The following KCNH2 variants were observed in gnomAD, a reference collection of about 807,000 sequenced individuals.
The protein encoded by KCNH2 is potassium voltage-gated channel subfamily H member 2, also known as voltage-gated inwardly rectifying potassium channel KCNH2.
A neutral mutation model predicts 95.9 loss-of-function variants in KCNH2; 35 were observed. The observed-to-expected ratio is 0.37, with a 90% confidence interval of 0.28 to 0.48. The LOEUF (loss-of-function observed/expected upper bound fraction) is 0.48, where lower values mean the gene tolerates loss of function less well. Ranked by LOEUF, KCNH2 falls within the 20% of genes least tolerant of loss-of-function variation. The pLI is 0.99. For missense variants in KCNH2, 1,274 were observed against 1,702.9 expected (o/e 0.75, Z 4.43); for synonymous variants, 786 against 754.7 (o/e 1.04, Z -0.68).
rs980223397 is a variant in KCNH2, at chr7:150,945,593, G to A, written c.3331-79C>T. 39 of 1,429,528 alleles carry A rather than the reference G, an allele frequency of 2.7e-5. No homozygotes were observed. The highest frequency in any genetic ancestry group is 1.2e-4 in the Admixed American group (6 of 50,854). The allele number at this position is 1,429,528 out of a possible 1,614,324, so 88.6% of individuals were successfully genotyped here. On this transcript the variant is annotated intron_variant, in intron 14 of 14. Coordinates refer to ENST00000262186, the MANE Select transcript of KCNH2 (RefSeq NM_000238.4). The surrounding 1 kb of genome is among the most constrained non-coding windows in gnomAD (Gnocchi z 5.6). Reference sequence around the variant, plus strand: ...GGGAGGGAAAGGGGCAGGAGAACCCGGGGACAGAGGATGGACGGGAGGACA... The same window carrying A: ...GGGAGGGAAAGGGGCAGGAGAACCCAGGGACAGAGGATGGACGGGAGGACA...
intron 1 of KCNH2, 39 bp downstream of exon 1, chr7:150,977,799 C>T (rs1436709008): frequency 9.4e-7 from 1 of 1,066,760 alleles, no homozygotes; most frequent in East Asian, 2.6e-5. Context: ...CGGCCCGCCC[C>T]CAGAGCCCCC....
At chr7:150,947,241 C>T (rs1800929462) in intron 13 of KCNH2, 87 bp downstream of exon 13, 1 of 1,232,740 alleles carries the variant, frequency 8.1e-7, no homozygotes, top group Non-Finnish European at 1.1e-6. Flanking sequence ...CACACACAGA[C>T]AGGCCCTCTC....
Position 150,962,639 on chromosome 7 carries a change from G to GAA in KCNH2, c.308-2904_308-2903insTT, listed in dbSNP as rs1801598847. ...CACACACGAGAGACAGAGAGAGAGA[G>GAA]AGAGAGAGAGAGAGGAGTGACTGCT... On this transcript the variant is annotated intron_variant, in intron 2 of 14. Coordinates refer to ENST00000262186, the MANE Select transcript of KCNH2 (RefSeq NM_000238.4). This position sits in a 1 kb window ranked among gnomAD's most constrained non-coding sequence, Gnocchi z 5.7. 6.6e-6 allele frequency among the ~76,000 whole-genome samples: 1 copy of GAA among 151,920 alleles called. No individual in the cohort carries two copies. Among genetic ancestry groups the GAA allele is most frequent in the Non-Finnish European group, 1.5e-5 (1 of 67,986 alleles).
intron 2 of KCNH2, among the ~76,000 whole-genome samples, chr7:150,968,028 A>G (rs984926216): frequency 1.3e-5 from 2 of 152,266 alleles, no homozygotes; most frequent in Non-Finnish European, 2.9e-5. Flanking sequence ...ACCAGGCCTA[A>G]GAGATGCTCA....
chr7:150,945,385 C>G lies in KCNH2; in HGVS notation c.3460G>C (p.Gly1154Arg), dbSNP rs199473548. 2 of 1,590,846 alleles carry G rather than the reference C, an allele frequency of 1.3e-6. No individual in the cohort carries two copies. Among genetic ancestry groups the G allele is most frequent in the Non-Finnish European group, 1.7e-6 (2 of 1,169,302 alleles). ...ALTSQPLHRH[G>R]SDPGS ...CCCCACTAACTGCCCGGGTCCGAGC[C>G]GTGTCTGTGCAGGGGCTGGGAGGTG... Residue 1154 changes from glycine to arginine, a missense_variant, in exon 15 of 15, where the codon GGC (glycine) becomes CGC (arginine). This residue lies in a region of KCNH2 where 457 missense variants were observed against 416.1 expected (regional missense o/e 1.10). Transcript: ENST00000262186. The surrounding 1 kb of genome is among the most constrained non-coding windows in gnomAD (Gnocchi z 5.6).
At chr7:150,949,757 A>T (rs1325706366) in intron 9 of KCNH2, 6 of 1,192,468 alleles carry the variant, frequency 5.0e-6, no homozygotes, top group Non-Finnish European at 6.4e-6. Flanking sequence ...GGGAGGGGGC[A>T]GGACTCCCTT....
chr7:150,977,619 G>A (rs1156650982), intron 1 of KCNH2, among the ~76,000 whole-genome samples: 1 of 144,756 alleles, frequency 6.9e-6, no homozygotes, highest in African/African-American at 2.5e-5. Context: ...TGAGTTTCCC[G>A]CCCCAAGCCC....
At chr7:150,955,712 G>C in intron 5 of KCNH2, 6 of 1,344,622 alleles carry the variant, frequency 4.5e-6, no homozygotes, top group Non-Finnish European at 5.7e-6. Context: ...GCAGCAGCCT[G>C]CCTGGCTCGA....
At chr7:150,965,181 A>C (rs990791251) in intron 2 of KCNH2, among the ~76,000 whole-genome samples, 26 of 152,160 alleles carry the variant, frequency 1.7e-4, no homozygotes, top group African/African-American at 5.3e-4. Context: ...ACCCCACAGA[A>C]GCAGCATCTC....
chr7:150,948,281 A>G (rs541390818), intron 11 of KCNH2, among the ~76,000 whole-genome samples, 163 bp downstream of exon 11: 59 of 152,306 alleles, frequency 3.9e-4, no homozygotes, highest in African/African-American at 1.4e-3. Context: ...AGGGGCCCTG[A>G]AAGATGGGCA....
chr7:150,946,741 G>A lies in KCNH2; in HGVS notation c.3330+136C>T. 1.3e-6 allele frequency: 1 copy of A among 788,350 alleles called. No individual in the cohort carries two copies. The highest frequency in any genetic ancestry group is 2.0e-6 in the Non-Finnish European group (1 of 493,254). 48.8% of individuals were successfully genotyped at this position (788,350 alleles called of 1,614,324 possible). ...AAGCAGCCTTCCTCCAGGAGGACAG[G>A]GGTGGGAGGAGGGCAGGAACAAGGT... is the stretch of plus-strand genomic sequence containing the variant. On this transcript the variant is annotated intron_variant, in intron 14 of 14. Transcript: ENST00000262186. The surrounding 1 kb of genome is among the most constrained non-coding windows in gnomAD (Gnocchi z 6.5).
chr7:150,948,406 G>GTCCCCCCCCCCCCCCCTCC, intron 11 of KCNH2, 38 bp downstream of exon 11: 1 of 1,373,058 alleles, frequency 7.3e-7, no homozygotes, highest in Admixed American at 1.9e-5. Flanking sequence ...GCCTCACCTT[G>GTCCCCCCCCCCCCCCCTCC]TCCCCGCCCT....
chr7:150,971,498 C>T (rs1473091210), intron 2 of KCNH2, among the ~76,000 whole-genome samples: 1 of 152,094 alleles, frequency 6.6e-6, no homozygotes, highest in African/African-American at 2.4e-5. Context: ...CACGCACAAG[C>T]TCCCGGGGAC....
At position 150,952,808 on chromosome 7, in the gene KCNH2, C is replaced by A. The variant is rs1801233710; in HGVS notation, c.1174G>T (p.Ala392Ser). Residue 392 changes from alanine (A) to serine (S), a missense_variant, in exon 6 of 15, where the codon GCA (alanine) becomes TCA (serine). Ala to Ser is a moderately conservative substitution (Grantham distance 99). This residue lies in a region of KCNH2 where 392 missense variants were observed against 429.9 expected (regional missense o/e 0.91). Coordinates refer to ENST00000262186, the MANE Select transcript of KCNH2 (RefSeq NM_000238.4). The surrounding 1 kb of genome is among the most constrained non-coding windows in gnomAD (Gnocchi z 7.3). The stretch of plus-strand genomic sequence containing the variant: ...ATGGTCCAGCGGTGGATGCGCGGTG[C>A]CTGCAGCTTGTACTCAGGCAGCACG... ...ADVLPEYKLQ[A>S]PRIHRWTILH... 1 of 1,613,878 alleles carries A rather than the reference C, an allele frequency of 6.2e-7. No individual in the cohort carries two copies. The highest frequency in any genetic ancestry group is 1.3e-5 in the African/African-American group (1 of 74,892).
At position 150,951,830 on chromosome 7, in the gene KCNH2, G is replaced by A. The variant is rs143011005; in HGVS notation, c.1563C>T (p.Ile521=). 8.8e-4 allele frequency: 1,382 copies of A among 1,572,678 alleles called. 5 individuals carry two copies. The highest frequency in any genetic ancestry group is 5.1e-3 in the Middle Eastern group (30 of 5,848). ...GCAGCCGCGCAGTCTTCAGCAGCCC[G>A]ATCAGCTGGGGGACAGGGAAGGGGC... ...LIFGSGSEEL[I]GLLKTARLLR... The change falls in exon 7 of 15, where the codon ATC becomes ATT. Residue 521 remains isoleucine (I), a synonymous_variant. Transcript: ENST00000262186.
Position 150,945,592 on chromosome 7 carries a change from CG to C in KCNH2, c.3331-79del. The C allele has an allele frequency of 6.9e-7, 1 of 1,447,048 alleles. No homozygotes were observed. Among genetic ancestry groups the C allele is most frequent in the East Asian group, 2.5e-5 (1 of 40,456 alleles). The allele number at this position is 1,447,048 out of a possible 1,614,324, so 89.6% of individuals were successfully genotyped here. On this transcript the variant is annotated intron_variant, in intron 14 of 14. Coordinates refer to ENST00000262186, the MANE Select transcript of KCNH2 (RefSeq NM_000238.4). This position sits in a 1 kb window ranked among gnomAD's most constrained non-coding sequence, Gnocchi z 5.6. ...GGGGAGGGAAAGGGGCAGGAGAACC[CG>C]GGGACAGAGGATGGACGGGAGGACA...
In KCNH2 at chr7:150,961,167, C is replaced by T. The variant is rs376360539; in HGVS notation, c.308-1431G>A. On this transcript the variant is annotated intron_variant, in intron 2 of 14. Transcript: ENST00000262186. This position sits in a 1 kb window ranked among gnomAD's most constrained non-coding sequence, Gnocchi z 6.2. ...TTAGTGCCTAGCACCTAGAGTCATACGCCCTGGGGCCAGCACTGGCTGGTG... is the reference window on the plus strand; with the variant it reads ...TTAGTGCCTAGCACCTAGAGTCATATGCCCTGGGGCCAGCACTGGCTGGTG... 2.0e-5 allele frequency among the ~76,000 whole-genome samples: 3 copies of T among 152,184 alleles called. No individual in the cohort carries two copies. The highest frequency in any genetic ancestry group is 2.9e-5 in the Non-Finnish European group (2 of 68,030).
chr7:150,945,530 A>T lies in KCNH2; in HGVS notation c.3331-16T>A. ...ACTGGGAAACCTGCAATACACACAG[A>T]GCATGGGCAGGCGAAGAGGCCATGG... On this transcript the variant is annotated splice_polypyrimidine_tract_variant and intron_variant, in intron 14 of 14. Coordinates refer to ENST00000262186, the MANE Select transcript of KCNH2 (RefSeq NM_000238.4). This position sits in a 1 kb window ranked among gnomAD's most constrained non-coding sequence, Gnocchi z 5.6. 6.4e-7 allele frequency: 1 copy of T among 1,556,326 alleles called. No individual in the cohort carries two copies. Among genetic ancestry groups the T allele is most frequent in the Non-Finnish European group, 8.7e-7 (1 of 1,150,092 alleles).
At chr7:150,972,068 C>A (rs2117054105) in intron 2 of KCNH2, among the ~76,000 whole-genome samples, 1 of 152,252 alleles carries the variant, frequency 6.6e-6, no homozygotes, top group African/African-American at 2.4e-5. Flanking sequence ...GCCAGTGAGC[C>A]CCAGGCACCT....
Sources: gnomAD v4.1 joint callset for allele counts (sites outside exome capture counted in the v4.1 genomes callset) on GRCh38, gnomAD v4.1.1 for gene constraint, gnomAD v4.1.1 regional missense constraint, Gnocchi (gnomAD v3.1) non-coding constraint, MANE v1.5 for transcripts, NCBI Gene and HGNC (gene_info 2026-07-23, HGNC 2026-07-21) for gene names.